The following RUFY3 variants were observed in gnomAD, a reference collection of about 807,000 sequenced individuals.
The protein encoded by RUFY3 is protein RUFY3.
RUFY3 carries 34 observed loss-of-function variants against 84.0 expected under a neutral mutation model. The observed-to-expected ratio is 0.40, with a 90% CI of 0.31 to 0.54. RUFY3 has a LOEUF of 0.54. Among genes scored for constraint, RUFY3 ranks in the 20% least tolerant of loss-of-function variants. The probability of loss-of-function intolerance (pLI) is 0.39; values close to 1 mark genes in which losing one functional copy is unlikely to be tolerated. For synonymous variants in RUFY3, 242 were observed against 252.9 expected (o/e 0.96, Z 0.41); for missense variants, 507 against 736.8 (o/e 0.69, Z 3.61).
intron 12 of RUFY3, among the ~76,000 whole-genome samples, chr4:70,790,735 C>T (rs1412897786): frequency 6.6e-6 from 1 of 152,148 alleles, no homozygotes. Flanking sequence ...CTTTTAAGTT[C>T]CCGTATTAGA....
At chr4:70,711,064 GAAAAAAAAAAAAAAAAA>G (rs950005722) in intron 1 of RUFY3, among the ~76,000 whole-genome samples, 4 of 54,076 alleles carry the variant, frequency 7.4e-5, no homozygotes, top group Non-Finnish European at 1.6e-4. Context: ...ACTCCGTCTG[GAAAAAAAAAAAAAAAAA>G]AAAAAAAAAA....
intron 1 of RUFY3, among the ~76,000 whole-genome samples, chr4:70,728,518 A>C (rs1718683876): frequency 6.6e-6 from 1 of 152,244 alleles, no homozygotes; most frequent in Non-Finnish European, 1.5e-5. Flanking sequence ...CTGTGAATTG[A>C]AATTAGCCTA....
intron 12 of RUFY3, chr4:70,793,171 T>G: frequency 3.0e-6 from 3 of 986,074 alleles, no homozygotes; most frequent in Non-Finnish European, 3.6e-6. Flanking sequence ...GTCCACTTAG[T>G]CACACATCTT....
At chr4:70,745,675 C>T (rs1722081249) in intron 1 of RUFY3, among the ~76,000 whole-genome samples, 1 of 152,082 alleles carries the variant, frequency 6.6e-6, no homozygotes, top group South Asian at 2.1e-4. Context: ...CATTTGGGGG[C>T]AGAGGGTGTT....
At position 70,807,663 on chromosome 4, in the gene RUFY3, C is replaced by CT. The variant is rs57107005; in HGVS notation, c.*1021dup. On this transcript the variant is annotated 3_prime_UTR_variant, in exon 18 of 18. Transcript: ENST00000381006. ...TAGCCTCCCAAGTAGCTGGGACTGG[C>CT]TTTTTTTTTTTTTTTTTGGCCGGGG... Among the ~76,000 whole-genome samples, 4,668 of 126,126 alleles carry CT rather than the reference C, an allele frequency of 0.037. 126 individuals carry two copies. The highest frequency in any genetic ancestry group is 0.076 in the South Asian group (292 of 3,820). 82.7% of individuals were successfully genotyped at this position (126,126 alleles called of 152,430 possible).
intron 1 of RUFY3, among the ~76,000 whole-genome samples, chr4:70,747,076 G>A (rs1453980775): frequency 2.0e-5 from 3 of 152,124 alleles, no homozygotes; most frequent in African/African-American, 2.4e-5. Flanking sequence ...GGTATCTCTC[G>A]ATATTATTTC....
At chr4:70,747,672 G>A (rs1013976079) in intron 1 of RUFY3, among the ~76,000 whole-genome samples, 2 of 152,128 alleles carry the variant, frequency 1.3e-5, no homozygotes, top group African/African-American at 4.8e-5. Context: ...CTATGCTGAT[G>A]ACTCTCTAAG....
intron 1 of RUFY3, among the ~76,000 whole-genome samples, chr4:70,729,724 A>G (rs1248314378): frequency 6.6e-6 from 1 of 152,176 alleles, no homozygotes; most frequent in Non-Finnish European, 1.5e-5. Context: ...ATTCTTCAAT[A>G]CATTGCCATT....
chr4:70,762,370 A>G, intron 1 of RUFY3, 149 bp from the exon 2 acceptor site: 1 of 666,138 alleles, frequency 1.5e-6, no homozygotes, highest in Non-Finnish European at 2.6e-6. Context: ...AAAATAGTTC[A>G]TTTTACTGCT....
intron 1 of RUFY3, among the ~76,000 whole-genome samples, chr4:70,761,715 G>A (rs1391812251): frequency 3.3e-5 from 5 of 152,200 alleles, no homozygotes; most frequent in African/African-American, 1.2e-4. Flanking sequence ...TCTGGTTGAT[G>A]AGAGCCATAC....
intron 10 of RUFY3, 99 bp downstream of exon 10, chr4:70,784,978 G>C: frequency 1.4e-6 from 1 of 721,112 alleles, no homozygotes. Context: ...AATATCAGTA[G>C]TGTTCTGAAA....
intron 9 of RUFY3, among the ~76,000 whole-genome samples, chr4:70,784,398 G>A (rs1182679642): frequency 5.9e-5 from 9 of 152,144 alleles, no homozygotes; most frequent in East Asian, 3.9e-4. Context: ...CAGGAGAATC[G>A]CTTGAACCCA....
At chr4:70,781,716 C>T (rs1376493827) in intron 8 of RUFY3, among the ~76,000 whole-genome samples, 2 of 152,100 alleles carry the variant, frequency 1.3e-5, no homozygotes, top group African/African-American at 4.8e-5. Flanking sequence ...CCAGGCCTGC[C>T]CCCAGAAAGC....
chr4:70,781,262 T>C (rs1728869858), intron 8 of RUFY3, among the ~76,000 whole-genome samples: 1 of 152,024 alleles, frequency 6.6e-6, no homozygotes, highest in African/African-American at 2.4e-5. Flanking sequence ...GGCAGGAGGA[T>C]CGTTTGAGGC....
chr4:70,759,261 CT>C (rs1232538957), intron 1 of RUFY3, among the ~76,000 whole-genome samples: 1 of 152,104 alleles, frequency 6.6e-6, no homozygotes, highest in Non-Finnish European at 1.5e-5. Context: ...TGGTATTTAT[CT>C]TTCTGTCCCA....
At chr4:70,770,340 G>A (rs1332833079) in intron 5 of RUFY3, among the ~76,000 whole-genome samples, 2 of 152,296 alleles carry the variant, frequency 1.3e-5, no homozygotes, top group South Asian at 2.1e-4. Context: ...CTAATAGAAG[G>A]CTGTTTTGAC....
At chr4:70,781,681 C>T (rs1237936625) in intron 8 of RUFY3, among the ~76,000 whole-genome samples, 1 of 152,170 alleles carries the variant, frequency 6.6e-6, no homozygotes, top group Non-Finnish European at 1.5e-5. Flanking sequence ...TTTTAGGCCA[C>T]AGGATCTGAG....
intron 1 of RUFY3, among the ~76,000 whole-genome samples, chr4:70,729,805 A>G (rs1195186507): frequency 6.6e-6 from 1 of 152,162 alleles, no homozygotes; most frequent in African/African-American, 2.4e-5. Context: ...CAGACTAAAG[A>G]TGAACATTAG....
chr4:70,739,031 G>A (rs540856721), intron 1 of RUFY3, among the ~76,000 whole-genome samples: 1 of 151,822 alleles, frequency 6.6e-6, no homozygotes, highest in South Asian at 2.1e-4. Flanking sequence ...AAATTAAAAT[G>A]GCTGAAGTGT....
Sources: gnomAD v4.1 joint callset for allele counts (sites outside exome capture counted in the v4.1 genomes callset) on GRCh38, gnomAD v4.1.1 for gene constraint, MANE v1.5 for transcripts, NCBI Gene and HGNC (gene_info 2026-07-23, HGNC 2026-07-21) for gene names.